Variants in STOX2 observed in about 807,000 individuals in gnomAD.
STOX2 encodes the protein storkhead-box protein 2.
A neutral mutation model predicts 60.9 loss-of-function variants in STOX2; 28 were observed. The observed-to-expected ratio is 0.46, with a 90% confidence interval of 0.34 to 0.63. The LOEUF is 0.63. Ranked by LOEUF, STOX2 falls within the 30% of genes least tolerant of loss-of-function variation. STOX2 has a pLI of 0.01. For synonymous variants in STOX2, 472 were observed against 463.9 expected (o/e 1.02, Z -0.22); for missense variants, 1,024 against 1,187.7 (o/e 0.86, Z 2.03).
At chr4:183,875,145 G>T (rs1265911420) in intron 1 of STOX2, among the ~76,000 whole-genome samples, 1 of 151,070 alleles carries the variant, frequency 6.6e-6, no homozygotes, top group Non-Finnish European at 1.5e-5. Context: ...CTCTTTCCCT[G>T]ACCAACATTT....
chr4:183,937,465 G>A (rs1742619173), intron 1 of STOX2, among the ~76,000 whole-genome samples: 2 of 152,172 alleles, frequency 1.3e-5, no homozygotes, highest in Non-Finnish European at 2.9e-5. Context: ...TGAGACCTTG[G>A]CACTTGCTTA....
intron 1 of STOX2, among the ~76,000 whole-genome samples, chr4:183,983,220 C>T (rs74983100): frequency 6.6e-6 from 1 of 152,316 alleles, no homozygotes; most frequent in East Asian, 1.9e-4. Context: ...AGTGCCTCTT[C>T]CTTCCTGAAG....
intron 1 of STOX2, among the ~76,000 whole-genome samples, chr4:183,981,952 A>AAAACC (rs1460212457): frequency 6.6e-6 from 1 of 152,214 alleles, no homozygotes; most frequent in African/African-American, 2.4e-5. Flanking sequence ...AAAACAAAAC[A>AAAACC]ACAAAACGCA....
Position 183,850,819 on chromosome 4 carries a change from GGAAAGGATGAGA to G in STOX2, c.364+52788_364+52799del, listed in dbSNP as rs1394726167. Reference sequence around the variant, plus strand: ...TGTGACAAATGGGAGAAAGGATGAGGGAAAGGATGAGAGAAAGGATGAGAGAAAGGATGAGGG... The same window carrying G: ...TGTGACAAATGGGAGAAAGGATGAGGGAAAGGATGAGAGAAAGGATGAGGG... On this transcript the variant is annotated intron_variant, in intron 1 of 2. Transcript: ENST00000513034. 4.0e-3 allele frequency among the ~76,000 whole-genome samples: 605 copies of G among 151,560 alleles called. 10 individuals carry two copies. The highest frequency in any genetic ancestry group is 3.2e-3 in the Non-Finnish European group (215 of 67,886).
chr4:183,880,200 T>G (rs898683560), intron 1 of STOX2, among the ~76,000 whole-genome samples: 1 of 152,090 alleles, frequency 6.6e-6, no homozygotes, highest in African/African-American at 2.4e-5. Flanking sequence ...GCCAGGCTGG[T>G]CTCGAACTCC....
At chr4:183,928,819 C>T (rs1001211799) in intron 1 of STOX2, among the ~76,000 whole-genome samples, 4 of 144,568 alleles carry the variant, frequency 2.8e-5, no homozygotes, top group African/African-American at 7.6e-5. Context: ...AAAAAACAAA[C>T]AAAAAAAAAA....
At chr4:183,923,545 C>T (rs1282927489) in intron 1 of STOX2, among the ~76,000 whole-genome samples, 3 of 152,196 alleles carry the variant, frequency 2.0e-5, no homozygotes, top group Non-Finnish European at 4.4e-5. Flanking sequence ...AACAAACGTG[C>T]TCCTGGTTTC....
intron 3 of STOX2, 46 bp from the exon 4 acceptor site, chr4:184,017,043 A>G: frequency 6.8e-7 from 1 of 1,480,604 alleles, no homozygotes; most frequent in Non-Finnish European, 9.1e-7. Context: ...ATTTATAATT[A>G]TTTATGTTCC....
At chr4:183,967,451 G>C (rs1243978914) in intron 1 of STOX2, among the ~76,000 whole-genome samples, 1 of 152,014 alleles carries the variant, frequency 6.6e-6, no homozygotes, top group African/African-American at 2.4e-5. Flanking sequence ...TTATCATCGA[G>C]AAAGTGAGTG....
chr4:183,918,834 A>G (rs1254398400), intron 1 of STOX2, among the ~76,000 whole-genome samples: 1 of 152,180 alleles, frequency 6.6e-6, no homozygotes, highest in Non-Finnish European at 1.5e-5. Flanking sequence ...CTCCGGGATG[A>G]CGGCCTGAGC....
rs190956281 is a variant in STOX2 at position 183,986,274 on chromosome 4, A to C, written c.167-15051A>C. 2.4e-3 allele frequency among the ~76,000 whole-genome samples: 368 copies of C among 152,372 alleles called. 1 individual carries two copies. Among genetic ancestry groups the C allele is most frequent in the African/African-American group, 8.5e-3 (355 of 41,592 alleles). ...TTATATGCTTCTGATCAAGCATACA[A>C]GGTAAAATTGATGAGGCTGTTAAAA... On this transcript the variant is annotated intron_variant, in intron 1 of 3. Transcript: ENST00000308497.
intron 1 of STOX2, among the ~76,000 whole-genome samples, chr4:183,932,896 T>C (rs1742478898): frequency 6.6e-6 from 1 of 152,250 alleles, no homozygotes; most frequent in Non-Finnish European, 1.5e-5. Context: ...ATCTGAACAA[T>C]ATTTATAGCC....
intron 1 of STOX2, among the ~76,000 whole-genome samples, chr4:183,889,451 TTGA>T (rs897777609): frequency 1.3e-5 from 2 of 152,216 alleles, no homozygotes; most frequent in African/African-American, 4.8e-5. Context: ...GCTCTTAACC[TTGA>T]TCACAGACTT....
At chr4:183,992,095 C>T (rs1025764513) in intron 1 of STOX2, among the ~76,000 whole-genome samples, 1 of 152,168 alleles carries the variant, frequency 6.6e-6, no homozygotes, top group Non-Finnish European at 1.5e-5. Flanking sequence ...CCTCTGAATT[C>T]TGACATAGTC....
chr4:184,000,559 T>C (rs574617754), intron 1 of STOX2, among the ~76,000 whole-genome samples: 1 of 152,312 alleles, frequency 6.6e-6, no homozygotes, highest in East Asian at 1.9e-4. Context: ...TCTTTATTCA[T>C]GGTCGTCCCT....
intron 1 of STOX2, among the ~76,000 whole-genome samples, chr4:183,854,475 C>T (rs1740239466): frequency 2.6e-5 from 4 of 152,108 alleles, no homozygotes; most frequent in African/African-American, 7.2e-5. Context: ...GATATTAGAC[C>T]TGAACTCCTA....
chr4:183,903,226 T>C (rs1336985767), upstream of STOX2, among the ~76,000 whole-genome samples: 1 of 152,192 alleles, frequency 6.6e-6, no homozygotes, highest in East Asian at 1.9e-4. Flanking sequence ...CATCCTTCCA[T>C]GACCTCATCA....
chr4:183,825,592 C>T lies in STOX2; in HGVS notation c.364+27537C>T, dbSNP rs958197466. On this transcript the variant is annotated intron_variant, in intron 1 of 2. Transcript: ENST00000513034. The surrounding 1 kb of genome is among the most constrained non-coding windows in gnomAD (Gnocchi z 4.1). ...CTCTGTCCTGCCAACGTGGGTGCAG[C>T]GCCCGACCCCTCCCTGCCCGTCCTC... Among the ~76,000 whole-genome samples, 5 of 152,162 alleles carry T rather than the reference C, an allele frequency of 3.3e-5. No homozygotes were observed. The highest frequency in any genetic ancestry group is 1.2e-4 in the African/African-American group (5 of 41,426).
chr4:183,814,969 T>G (rs1739117530), intron 1 of STOX2, among the ~76,000 whole-genome samples: 2 of 152,060 alleles, frequency 1.3e-5, no homozygotes. Flanking sequence ...TGATTTAGAG[T>G]CCTTCTTTTG....
Sources: allele counts gnomAD v4.1 joint callset (sites outside exome capture counted in the v4.1 genomes callset), GRCh38; gene constraint gnomAD v4.1.1; non-coding constraint Gnocchi (gnomAD v3.1); transcripts MANE v1.5; gene names NCBI Gene and HGNC (gene_info 2026-07-23, HGNC 2026-07-21).